Variants in FBXL17 observed in about 807,000 individuals in gnomAD.
FBXL17 encodes the protein F-box/LRR-repeat protein 17.
In FBXL17, 22 loss-of-function variants were observed where a neutral mutation model predicts 66.2. The observed-to-expected ratio is 0.33, with a 90% CI of 0.24 to 0.47. FBXL17 has a LOEUF of 0.47. Ranked by LOEUF, FBXL17 falls within the 20% of genes least tolerant of loss-of-function variation. FBXL17 has a pLI of 1.00. For synonymous variants in FBXL17, 474 were observed against 400.5 expected (o/e 1.18, Z -2.19); for missense variants, 878 against 948.2 (o/e 0.93, Z 0.97).
chr5:107,952,647 C>G (rs1489070339), intron 7 of FBXL17, among the ~76,000 whole-genome samples: 1 of 152,136 alleles, frequency 6.6e-6, no homozygotes, highest in Non-Finnish European at 1.5e-5. Flanking sequence ...GGTTACATTT[C>G]AAATATTGGC....
intron 3 of FBXL17, among the ~76,000 whole-genome samples, chr5:108,353,031 T>C (rs144482291): frequency 1.3e-3 from 200 of 152,210 alleles, no homozygotes; most frequent in African/African-American, 4.7e-3. Flanking sequence ...GCTTTCCACA[T>C]AATAAAGCAT....
intron 7 of FBXL17, among the ~76,000 whole-genome samples, chr5:107,993,361 A>G (rs1392051704): frequency 9.2e-5 from 14 of 152,216 alleles, no homozygotes; most frequent in Non-Finnish European, 1.5e-5. Context: ...TTTCTGATAT[A>G]TAATTTGTGA....
intron 5 of FBXL17, among the ~76,000 whole-genome samples, chr5:108,219,379 A>T (rs1754749480): frequency 6.6e-6 from 1 of 152,122 alleles, no homozygotes; most frequent in Admixed American, 6.6e-5. Flanking sequence ...AAATTGTTGA[A>T]TTGATAGGCC....
intron 4 of FBXL17, among the ~76,000 whole-genome samples, chr5:108,228,089 T>A (rs1755174474): frequency 6.6e-6 from 1 of 152,158 alleles, no homozygotes. Context: ...AAAATGTGCT[T>A]CTTGGGTCTT....
chr5:107,873,360 C>T lies in FBXL17; in HGVS notation c.1965+7677G>A, dbSNP rs182032902. Reference sequence around the variant, plus strand: ...TTCACTGTTTTTTCTGACCTATCACCTATCACAGTGACTGGAATATAGTAA... The same window carrying T: ...TTCACTGTTTTTTCTGACCTATCACTTATCACAGTGACTGGAATATAGTAA... On this transcript the variant is annotated intron_variant, in intron 8 of 8. Transcript: ENST00000542267. 9.8e-5 allele frequency among the ~76,000 whole-genome samples: 15 copies of T among 152,320 alleles called. No individual in the cohort carries two copies. The East Asian group carries it at 2.9e-3, about 29-fold the overall frequency.
At chr5:107,980,632 T>G (rs929940968) in intron 7 of FBXL17, among the ~76,000 whole-genome samples, 50 of 120,236 alleles carry the variant, frequency 4.2e-4, no homozygotes, top group Admixed American at 1.3e-3. Context: ...CCACCATGAC[T>G]GGCCAATAAA....
chr5:107,887,987 G>A (rs1749030692), intron 7 of FBXL17, among the ~76,000 whole-genome samples: 2 of 152,150 alleles, frequency 1.3e-5, no homozygotes, highest in African/African-American at 4.8e-5. Flanking sequence ...CTCTCAAACG[G>A]TAGTTACTTT....
chr5:108,275,667 C>G (rs943668072), intron 4 of FBXL17, among the ~76,000 whole-genome samples: 1 of 152,116 alleles, frequency 6.6e-6, no homozygotes, highest in African/African-American at 2.4e-5. Flanking sequence ...ACATGAGCAA[C>G]ATATTATTCA....
At chr5:108,247,880 C>T (rs971052993) in intron 4 of FBXL17, among the ~76,000 whole-genome samples, 10 of 152,108 alleles carry the variant, frequency 6.6e-5, no homozygotes, top group African/African-American at 2.4e-4. Flanking sequence ...GTATTCTATT[C>T]CTCCTGCTAA....
At chr5:108,155,141 G>T (rs1036994644) in intron 6 of FBXL17, among the ~76,000 whole-genome samples, 110 of 152,224 alleles carry the variant, frequency 7.2e-4, no homozygotes, top group African/African-American at 2.4e-3. Flanking sequence ...CTCTGGTGAA[G>T]TTTCTTGGAC....
intron 4 of FBXL17, among the ~76,000 whole-genome samples, chr5:108,281,056 T>G (rs1027592116): frequency 6.6e-6 from 1 of 151,636 alleles, no homozygotes; most frequent in African/African-American, 2.4e-5. Context: ...GAGAGACAGA[T>G]AGCAATACAA....
At position 108,180,501 on chromosome 5, in the gene FBXL17, G is replaced by A. The variant is rs539388450; in HGVS notation, c.1745+5616C>T. Among the ~76,000 whole-genome samples, 24 of 150,848 alleles carry A rather than the reference G, an allele frequency of 1.6e-4. No homozygotes were observed. The East Asian group carries it at 2.1e-3, about 13-fold the overall frequency. On this transcript the variant is annotated intron_variant, in intron 6 of 8. Coordinates refer to ENST00000542267, the MANE Select transcript of FBXL17 (RefSeq NM_001163315.3). ...AGCCTGGGCAACAGAGCATGACTCC[G>A]TCTTTAAAAAAAAAAAGAAAAGAGA...
intron 7 of FBXL17, among the ~76,000 whole-genome samples, chr5:107,899,827 G>T (rs1188495812): frequency 6.6e-6 from 1 of 152,012 alleles, no homozygotes. Context: ...GGGAGTGAGG[G>T]TTGAAAAAAT....
chr5:108,376,700 A>G (rs935889480), intron 1 of FBXL17, among the ~76,000 whole-genome samples: 4 of 151,772 alleles, frequency 2.6e-5, no homozygotes, highest in Middle Eastern at 3.2e-3. Context: ...TTCCCTCAGC[A>G]TGGGTCACAT....
At chr5:108,113,886 A>G (rs1750137030) in intron 6 of FBXL17, among the ~76,000 whole-genome samples, 1 of 152,200 alleles carries the variant, frequency 6.6e-6, no homozygotes, top group South Asian at 2.1e-4. Context: ...TCTTCAGAAA[A>G]TTGGCTTTTC....
At chr5:108,025,727 GCACACACACACA>G (rs34719664) in intron 6 of FBXL17, among the ~76,000 whole-genome samples, 2 of 141,248 alleles carry the variant, frequency 1.4e-5, no homozygotes, top group South Asian at 2.3e-4. Flanking sequence ...ACGCGCGCGC[GCACACACACACA>G]CACACACACA....
At chr5:108,180,544 T>C (rs1429843939) in intron 6 of FBXL17, among the ~76,000 whole-genome samples, 1 of 152,068 alleles carries the variant, frequency 6.6e-6, no homozygotes, top group Non-Finnish European at 1.5e-5. Context: ...ATAGGTACTA[T>C]TTTAACCTCT....
intron 4 of FBXL17, among the ~76,000 whole-genome samples, chr5:108,276,727 C>T (rs1194024630): frequency 6.6e-6 from 1 of 151,978 alleles, no homozygotes; most frequent in Non-Finnish European, 1.5e-5. Context: ...ATGCTTTTAT[C>T]CTAAAGTAGT....
At chr5:108,130,956 A>C (rs1462343497) in intron 6 of FBXL17, among the ~76,000 whole-genome samples, 1 of 152,094 alleles carries the variant, frequency 6.6e-6, no homozygotes, top group African/African-American at 2.4e-5. Flanking sequence ...CATTGCTCTG[A>C]ATTTTTCAAG....
Sources: gnomAD v4.1 joint callset for allele counts (sites outside exome capture counted in the v4.1 genomes callset) on GRCh38, gnomAD v4.1.1 for gene constraint, MANE v1.5 for transcripts, NCBI Gene and HGNC (gene_info 2026-07-23, HGNC 2026-07-21) for gene names.